The following EPHA6 variants were observed in gnomAD, a reference collection of about 807,000 sequenced individuals.
EPHA6 encodes the protein ephrin type-A receptor 6.
In EPHA6, 50 loss-of-function variants were observed where a neutral mutation model predicts 112.0. The observed-to-expected ratio is 0.45, with a 90% CI of 0.36 to 0.56. The LOEUF is 0.56. Ranked by LOEUF, EPHA6 falls within the 20% of genes least tolerant of loss-of-function variation. The pLI is 0.00. For synonymous variants in EPHA6, 529 were observed against 490.7 expected (o/e 1.08, Z -1.03); for missense variants, 1,280 against 1,417.4 (o/e 0.90, Z 1.56).
At chr3:97,515,799 C>T (rs2092438921) in intron 10 of EPHA6, among the ~76,000 whole-genome samples, 1 of 151,860 alleles carries the variant, frequency 6.6e-6, no homozygotes. Flanking sequence ...TAGAGGCATG[C>T]TTTAGTGGAA....
At chr3:97,587,926 T>C (rs1387323416) in intron 11 of EPHA6, among the ~76,000 whole-genome samples, 1 of 152,132 alleles carries the variant, frequency 6.6e-6, no homozygotes, top group Non-Finnish European at 1.5e-5. Flanking sequence ...TTTACTTCAT[T>C]CTTACTTTGG....
At chr3:97,642,115 C>A (rs1300444037) in intron 14 of EPHA6, among the ~76,000 whole-genome samples, 10 of 133,160 alleles carry the variant, frequency 7.5e-5, no homozygotes, top group African/African-American at 2.2e-4. Flanking sequence ...ACTGCCTCCA[C>A]AAGTGGGTAC....
At chr3:97,429,802 T>C (rs1056718161) in intron 6 of EPHA6, among the ~76,000 whole-genome samples, 23 of 152,310 alleles carry the variant, frequency 1.5e-4, no homozygotes, top group African/African-American at 5.3e-4. Flanking sequence ...GTATAGTTAG[T>C]AGATATTTGT....
At chr3:97,334,045 T>G (rs2082933835) in intron 5 of EPHA6, among the ~76,000 whole-genome samples, 1 of 152,142 alleles carries the variant, frequency 6.6e-6, no homozygotes, top group Non-Finnish European at 1.5e-5. Flanking sequence ...ATTTTTTCTG[T>G]GTCAATTGAT....
chr3:97,140,735 T>G (rs544653174), intron 3 of EPHA6, among the ~76,000 whole-genome samples: 1 of 152,066 alleles, frequency 6.6e-6, no homozygotes, highest in Admixed American at 6.6e-5. Flanking sequence ...CACACATAAG[T>G]ACAAAGCTCA....
rs190718204 is a variant in EPHA6 at position 97,752,253 on chromosome 3, G to T, written c.*3552G>T. Reference sequence around the variant, plus strand: ...CAAATCCAAATCCGATCCTTGAAAAGCAAAGGCTCTAAAGAAGCTCTTCAG... The same window carrying T: ...CAAATCCAAATCCGATCCTTGAAAATCAAAGGCTCTAAAGAAGCTCTTCAG... On this transcript the variant is annotated 3_prime_UTR_variant, in exon 18 of 18. Transcript: ENST00000389672. The T allele has an allele frequency of 5.6e-4, 124 of 222,906 alleles. No homozygotes were observed. The highest frequency in any genetic ancestry group is 4.1e-3 in the Middle Eastern group (3 of 726). The allele number at this position is 222,906 out of a possible 1,614,324, so 13.8% of individuals were successfully genotyped here. A position where few individuals can be genotyped will look rare whatever the true frequency, so the allele number is the denominator to read the frequency against.
At chr3:96,861,009 G>T (rs982220495) in intron 1 of EPHA6, among the ~76,000 whole-genome samples, 1 of 151,940 alleles carries the variant, frequency 6.6e-6, no homozygotes, top group South Asian at 2.1e-4. Flanking sequence ...CAGGAGCCCA[G>T]GAGGGAACCT....
intron 3 of EPHA6, among the ~76,000 whole-genome samples, chr3:97,179,262 A>G (rs551866684): frequency 2.6e-5 from 4 of 152,084 alleles, no homozygotes; most frequent in African/African-American, 9.6e-5. Flanking sequence ...TTTCTGATAG[A>G]ATTCTGAATT....
intron 14 of EPHA6, among the ~76,000 whole-genome samples, chr3:97,657,851 AC>A (rs1189440102): frequency 6.6e-6 from 1 of 151,700 alleles, no homozygotes; most frequent in Non-Finnish European, 1.5e-5. Flanking sequence ...TTTAATAAAC[AC>A]CCAGGTGATT....
At chr3:97,280,383 T>C (rs1329919722) in intron 5 of EPHA6, among the ~76,000 whole-genome samples, 1 of 152,232 alleles carries the variant, frequency 6.6e-6, no homozygotes, top group Non-Finnish European at 1.5e-5. Flanking sequence ...AATATTATTA[T>C]TGCTGGTATT....
At chr3:97,377,223 T>C (rs2085420392) in intron 5 of EPHA6, among the ~76,000 whole-genome samples, 1 of 152,178 alleles carries the variant, frequency 6.6e-6, no homozygotes, top group African/African-American at 2.4e-5. Flanking sequence ...ACTGTTCTCA[T>C]GGTAGTGAAT....
chr3:96,864,199 A>C (rs1312657920), intron 1 of EPHA6, among the ~76,000 whole-genome samples: 3 of 152,058 alleles, frequency 2.0e-5, no homozygotes. Flanking sequence ...TTTCTGTATA[A>C]CCCACTAATC....
At chr3:97,598,434 G>A in intron 12 of EPHA6, among the ~76,000 whole-genome samples, 1 of 98,986 alleles carries the variant, frequency 1.0e-5, no homozygotes, top group Admixed American at 1.6e-4. Context: ...CCCCACCACA[G>A]TCCCCAGAGT....
chr3:97,167,266 A>G (rs925586946), intron 3 of EPHA6, among the ~76,000 whole-genome samples: 8 of 152,152 alleles, frequency 5.3e-5, no homozygotes, highest in African/African-American at 1.9e-4. Context: ...TCTGAGGATC[A>G]TTTATCTTTT....
At chr3:97,539,046 T>G (rs201461463) in intron 11 of EPHA6, among the ~76,000 whole-genome samples, 41 of 141,604 alleles carry the variant, frequency 2.9e-4, no homozygotes, top group African/African-American at 8.7e-4. Flanking sequence ...TTGCTTTCTT[T>G]CTTTCTTTTT....
chr3:96,998,040 C>G (rs758259406), intron 3 of EPHA6, among the ~76,000 whole-genome samples: 1 of 151,864 alleles, frequency 6.6e-6, no homozygotes, highest in Non-Finnish European at 1.5e-5. Flanking sequence ...ATATTTAATA[C>G]CAAGTTTAGT....
chr3:97,066,339 TGAA>T (rs2046178009), intron 3 of EPHA6, among the ~76,000 whole-genome samples: 1 of 152,098 alleles, frequency 6.6e-6, no homozygotes, highest in Non-Finnish European at 1.5e-5. Context: ...ATAACAAAAG[TGAA>T]AATTTCTCTA....
At chr3:97,526,087 A>C (rs1324144643) in intron 10 of EPHA6, among the ~76,000 whole-genome samples, 1 of 152,166 alleles carries the variant, frequency 6.6e-6, no homozygotes, top group South Asian at 2.1e-4. Context: ...GTATGTGTAC[A>C]GTGGTTTCCT....
At chr3:97,227,142 A>ATT in intron 4 of EPHA6, among the ~76,000 whole-genome samples, 1 of 152,066 alleles carries the variant, frequency 6.6e-6, no homozygotes, top group African/African-American at 2.4e-5. Flanking sequence ...CACCCCTTAG[A>ATT]TTTTTTTTAA....
Sources: gnomAD v4.1 joint callset for allele counts (sites outside exome capture counted in the v4.1 genomes callset) on GRCh38, gnomAD v4.1.1 for gene constraint, MANE v1.5 for transcripts, NCBI Gene and HGNC (gene_info 2026-07-23, HGNC 2026-07-21) for gene names.